KCNJ5: variants seen among roughly 807,000 people sequenced by gnomAD.
KCNJ5 encodes the protein potassium inwardly rectifying channel subfamily J member 5, also known as G protein-activated inward rectifier potassium channel 4.
In KCNJ5, 12 loss-of-function variants were observed where a neutral mutation model predicts 20.2. The observed-to-expected ratio is 0.59, with a 90% CI of 0.38 to 0.96. KCNJ5 has a LOEUF of 0.96. Among genes scored for constraint, KCNJ5 ranks in the 40% least tolerant of loss-of-function variants. The pLI, the probability that KCNJ5 is intolerant of heterozygous loss-of-function variation, is 0.00. For synonymous variants in KCNJ5, 210 were observed against 213.9 expected (o/e 0.98, Z 0.16); for missense variants, 449 against 557.6 (o/e 0.81, Z 1.96).
chr11:128,917,041 C>A lies in KCNJ5; in HGVS notation c.*310C>A. The A allele has an allele frequency of 3.6e-6, 1 of 277,058 alleles. No individual in the cohort carries two copies. The highest frequency in any genetic ancestry group is 6.8e-6 in the Non-Finnish European group (1 of 147,176). The allele number at this position is 277,058 out of a possible 1,614,324, so 17.2% of individuals were successfully genotyped here. A position where few individuals can be genotyped will look rare whatever the true frequency, so the allele number is the denominator to read the frequency against. On this transcript the variant is annotated 3_prime_UTR_variant, in exon 3 of 3. Coordinates refer to ENST00000529694, the MANE Select transcript of KCNJ5 (RefSeq NM_000890.5). ...CATCTGTTCTCTCCATGCCCTGGGT[C>A]ACTTCCTTTTTTGGGTCTCACAGAC...
At chr11:128,903,235 C>A in intron 1 of KCNJ5, 1 of 1,111,478 alleles carries the variant, frequency 9.0e-7, no homozygotes, top group Non-Finnish European at 1.3e-6. Flanking sequence ...TTCTCTACAT[C>A]AAAATATGAA....
chr11:128,895,379 C>T (rs1181827303), intron 1 of KCNJ5, among the ~76,000 whole-genome samples: 3 of 55,654 alleles, frequency 5.4e-5, no homozygotes, highest in South Asian at 8.3e-4. Context: ...AGAGTGTGCC[C>T]CCACCCCCCC....
chr11:128,916,836 C>A lies in KCNJ5; in HGVS notation c.*105C>A. On this transcript the variant is annotated 3_prime_UTR_variant, in exon 3 of 3. Transcript: ENST00000529694. ...AATAGTTGAGTGTGCTGTTTGGGGG[C>A]TCAGGAGCCATCAAGGCTGTGGGGA... 1 of 884,190 alleles carries A rather than the reference C, an allele frequency of 1.1e-6. No individual in the cohort carries two copies. The highest frequency in any genetic ancestry group is 1.7e-6 in the Non-Finnish European group (1 of 580,118). The allele number at this position is 884,190 out of a possible 1,614,324, so 54.8% of individuals were successfully genotyped here.
chr11:128,911,530 G>A lies in KCNJ5; in HGVS notation c.257G>A (p.Trp86Ter). 7 of 1,614,240 alleles carry A rather than the reference G, an allele frequency of 4.3e-6. No individual in the cohort carries two copies. The highest frequency in any genetic ancestry group is 5.9e-6 in the Non-Finnish European group (7 of 1,180,050). ...TTCACCACCCTGGTGGACCTCAAGT[G>A]GCGCTTCAACTTGCTCGTCTTCACC... ...DLFTTLVDLKWRFNLLVFTMV... is the reference protein window; with the variant it reads ...DLFTTLVDLK The change falls in exon 2 of 3, where the codon TGG (tryptophan) becomes TAG (stop). Residue 86 changes from tryptophan (W) to a stop codon, truncating the protein, a stop_gained. Coordinates refer to ENST00000529694, the MANE Select transcript of KCNJ5 (RefSeq NM_000890.5). LOFTEE classifies it high-confidence loss of function. The surrounding 1 kb of genome is among the most constrained non-coding windows in gnomAD (Gnocchi z 6.3).
At position 128,912,011 on chromosome 11, in the gene KCNJ5, G is replaced by C. The variant is rs372736753; in HGVS notation, c.738G>C (p.Glu246Asp). ...TCATCAAGTCCCGGCAGACCAAAGA[G>C]GGGGAGTTCATCCCCCTGAACCAGA... The part of the protein sequence containing the change: ...AKLIKSRQTK[E>D]GEFIPLNQTD... Residue 246 changes from glutamate to aspartate, a missense_variant, in exon 2 of 3, where the codon GAG becomes GAC. Around this residue, in one of 5 missense-constraint regions of KCNJ5, gnomAD observed 145 missense variants for 166.2 expected, o/e 0.87. Coordinates refer to ENST00000529694, the MANE Select transcript of KCNJ5 (RefSeq NM_000890.5). 12 of 1,610,708 alleles carry C rather than the reference G, an allele frequency of 7.5e-6. No individual in the cohort carries two copies. The highest frequency in any genetic ancestry group is 2.2e-5 in the East Asian group (1 of 44,806).
chr11:128,892,266 G>T (rs1048803046), intron 1 of KCNJ5, among the ~76,000 whole-genome samples: 1 of 152,200 alleles, frequency 6.6e-6, no homozygotes, highest in African/African-American at 2.4e-5. Context: ...CTTTCAAATG[G>T]TTCAGAAAGG....
At chr11:128,916,033 G>A (rs1449261774) in intron 2 of KCNJ5, among the ~76,000 whole-genome samples, 2 of 145,754 alleles carry the variant, frequency 1.4e-5, no homozygotes, top group African/African-American at 5.0e-5. Flanking sequence ...TGGATGAATG[G>A]ATGGATGGAT....
Position 128,917,599 on chromosome 11 carries a change from TTTG to T in KCNJ5, c.*871_*873del. On this transcript the variant is annotated 3_prime_UTR_variant, in exon 3 of 3. Coordinates refer to ENST00000529694, the MANE Select transcript of KCNJ5 (RefSeq NM_000890.5). ...CATCACAGTAGTTTTTGTGTTTTGT[TTTG>T]TTTTGTTTTGTTTTGTTTTGTTTTG... 4.7e-5 allele frequency: 1 copy of T among 21,484 alleles called. No individual in the cohort carries two copies. Among genetic ancestry groups the T allele is most frequent in the Non-Finnish European group, 1.8e-4 (1 of 5,702 alleles). The allele number at this position is 21,484 out of a possible 1,614,324, so 1.3% of individuals were successfully genotyped here.
At chr11:128,902,192 C>T (rs1197598474) in intron 1 of KCNJ5, 4 of 261,010 alleles carry the variant, frequency 1.5e-5, no homozygotes, top group African/African-American at 2.3e-5. Flanking sequence ...CCACTCATCT[C>T]GCACACCTCT....
chr11:128,914,556 G>A (rs1944549745), intron 2 of KCNJ5, among the ~76,000 whole-genome samples: 1 of 152,186 alleles, frequency 6.6e-6, no homozygotes, highest in African/African-American at 2.4e-5. Flanking sequence ...AGCCAGGTGT[G>A]GGCTGGGAAT....
intron 1 of KCNJ5, among the ~76,000 whole-genome samples, chr11:128,903,187 C>T (rs1003409786): frequency 5.9e-5 from 9 of 152,146 alleles, no homozygotes; most frequent in African/African-American, 1.9e-4. Context: ...TGTATATGTG[C>T]TTTTCCTAAA....
chr11:128,896,020 G>C (rs1477687785), intron 1 of KCNJ5, among the ~76,000 whole-genome samples: 1 of 152,166 alleles, frequency 6.6e-6, no homozygotes, highest in East Asian at 1.9e-4. Context: ...AATCTCCCCT[G>C]ACTCCTCCTA....
In KCNJ5 at chr11:128,911,472, G is replaced by A. The variant is rs1355039204; in HGVS notation, c.199G>A (p.Val67Ile). 5.6e-6 allele frequency: 9 copies of A among 1,614,138 alleles called. No homozygotes were observed. Among genetic ancestry groups the A allele is most frequent in the South Asian group, 3.3e-5 (3 of 91,094 alleles). ...CAAGTGCAACGTGCACCACGGCAAC[G>A]TCCAGGAGACCTACCGGTACCTGAG... ...SGKCNVHHGN[V>I]QETYRYLSDL... The change falls in exon 2 of 3, where the codon GTC (valine) becomes ATC (isoleucine). Residue 67 changes from valine (V) to isoleucine (I), a missense_variant. By Grantham distance (29) the Val-to-Ile change is conservative (BLOSUM62 3). Coordinates refer to ENST00000529694, the MANE Select transcript of KCNJ5 (RefSeq NM_000890.5). The surrounding 1 kb of genome is among the most constrained non-coding windows in gnomAD (Gnocchi z 6.3).
Position 128,917,065 on chromosome 11 carries a change from A to C in KCNJ5, c.*334A>C. 2 of 228,798 alleles carry C rather than the reference A, an allele frequency of 8.7e-6. No homozygotes were observed. The highest frequency in any genetic ancestry group is 1.7e-5 in the Non-Finnish European group (2 of 117,160). The allele number at this position is 228,798 out of a possible 1,614,324, so 14.2% of individuals were successfully genotyped here. A position where few individuals can be genotyped will look rare whatever the true frequency, so the allele number is the denominator to read the frequency against. On this transcript the variant is annotated 3_prime_UTR_variant, in exon 3 of 3. Transcript: ENST00000529694. The stretch of plus-strand genomic sequence containing the variant: ...TCACTTCCTTTTTTGGGTCTCACAG[A>C]CCCCTCCAGGGGCTGACACCTAGAG...
At chr11:128,912,254 A>T in intron 2 of KCNJ5, 44 bp downstream of exon 2, 1 of 1,484,658 alleles carries the variant, frequency 6.7e-7, no homozygotes, top group Non-Finnish European at 9.3e-7. Context: ...CCCTACCTAC[A>T]CTTCAGACTT....
chr11:128,902,748 T>G, intron 1 of KCNJ5: 1 of 1,567,934 alleles, frequency 6.4e-7, no homozygotes, highest in Non-Finnish European at 8.7e-7. Context: ...TGAGAGGAAT[T>G]CAGTGGCACT....
chr11:128,904,549 G>A, intron 1 of KCNJ5: 2 of 1,204,048 alleles, frequency 1.7e-6, no homozygotes, highest in Non-Finnish European at 2.5e-6. Flanking sequence ...GTGCACTGAG[G>A]ACCAGCCGCG....
chr11:128,906,274 C>G (rs1283666077), intron 1 of KCNJ5, among the ~76,000 whole-genome samples: 1 of 152,208 alleles, frequency 6.6e-6, no homozygotes, highest in Non-Finnish European at 1.5e-5. Context: ...AAAATAGGAA[C>G]CTAGGTCATC....
chr11:128,903,389 T>TGTAG (rs1411615708), intron 1 of KCNJ5: 1 of 1,613,994 alleles, frequency 6.2e-7, no homozygotes, highest in Non-Finnish European at 8.5e-7. Context: ...CAGCCGTGGG[T>TGTAG]GTAGACGGCA....
Sources: allele counts gnomAD v4.1 joint callset (sites outside exome capture counted in the v4.1 genomes callset), GRCh38; gene constraint gnomAD v4.1.1; regional missense constraint gnomAD v4.1.1; non-coding constraint Gnocchi (gnomAD v3.1); transcripts MANE v1.5; gene names NCBI Gene and HGNC (gene_info 2026-07-23, HGNC 2026-07-21).